The following NTM variants were observed in gnomAD, a reference collection of about 807,000 sequenced individuals.
NTM encodes the protein IgLON family member 2.
NTM carries 13 observed loss-of-function variants against 42.1 expected under a neutral mutation model. The ratio of observed to expected loss-of-function variants is 0.31; its 90% CI spans 0.20 to 0.49. NTM has a LOEUF of 0.49. NTM is among the 20% of genes least tolerant of loss of function. The pLI is 0.99. For missense variants in NTM, 373 were observed against 452.8 expected (o/e 0.82, Z 1.60); for synonymous variants, 187 against 179.2 (o/e 1.04, Z -0.35).
chr11:131,934,474 A>G (rs2058998023), intron 2 of NTM, among the ~76,000 whole-genome samples: 1 of 152,202 alleles, frequency 6.6e-6, no homozygotes, highest in Middle Eastern at 3.2e-3. Flanking sequence ...TCATTCATTC[A>G]TTCATTCATT....
At chr11:131,718,925 G>GA (rs2078025310) in intron 1 of NTM, among the ~76,000 whole-genome samples, 1 of 152,098 alleles carries the variant, frequency 6.6e-6, no homozygotes, top group African/African-American at 2.4e-5. Flanking sequence ...TCAGTGTCTT[G>GA]AAAACCACTG....
intron 2 of NTM, among the ~76,000 whole-genome samples, chr11:132,116,386 C>T (rs2063901649): frequency 6.6e-6 from 1 of 152,140 alleles, no homozygotes; most frequent in African/African-American, 2.4e-5. Context: ...ATACTTTCTC[C>T]TACTCTTCCA....
chr11:132,307,621 T>G, intron 4 of NTM, 68 bp from the exon 5 acceptor site: 1 of 1,597,646 alleles, frequency 6.3e-7, no homozygotes, highest in South Asian at 1.1e-5. Flanking sequence ...TATACTTTGT[T>G]TTCTAAGTGA....
At position 131,949,744 on chromosome 11, in the gene NTM, G is replaced by A. The variant is rs557645424; in HGVS notation, c.167+38096G>A. Reference sequence around the variant, plus strand: ...AAGCCTGTTTTTATTTGAATGTCCCGGCCCACTCCAGCTAGTGCTGTCAGC... The same window carrying A: ...AAGCCTGTTTTTATTTGAATGTCCCAGCCCACTCCAGCTAGTGCTGTCAGC... On this transcript the variant is annotated intron_variant, in intron 2 of 8. Coordinates refer to ENST00000683400, the MANE Select transcript of NTM (RefSeq NM_001352005.2). 6.6e-5 allele frequency among the ~76,000 whole-genome samples: 10 copies of A among 152,118 alleles called. No homozygotes were observed. In the South Asian group the frequency reaches 1.9e-3, roughly 28 times the overall value.
chr11:131,595,066 C>T (rs1031690129), intron 1 of NTM, among the ~76,000 whole-genome samples: 2 of 152,130 alleles, frequency 1.3e-5, no homozygotes, highest in Non-Finnish European at 2.9e-5. Context: ...AATGCACCTG[C>T]GTCTTTAATT....
intron 2 of NTM, among the ~76,000 whole-genome samples, chr11:132,017,034 CAA>C (rs1053201433): frequency 1.3e-4 from 20 of 152,046 alleles, no homozygotes; most frequent in African/African-American, 3.9e-4. Flanking sequence ...ATTCTGGACA[CAA>C]ATCCTTTATT....
At chr11:131,513,107 C>T (rs2048462615) in intron 1 of NTM, among the ~76,000 whole-genome samples, 1 of 152,214 alleles carries the variant, frequency 6.6e-6, no homozygotes, top group Non-Finnish European at 1.5e-5. Flanking sequence ...GGCTCCATGG[C>T]TCCCCGTCCC....
chr11:131,604,361 A>C (rs1267103030), intron 1 of NTM, among the ~76,000 whole-genome samples: 1 of 152,126 alleles, frequency 6.6e-6, no homozygotes, highest in Admixed American at 6.5e-5. Context: ...TCCTGTGACC[A>C]TTTTTTAAAT....
chr11:131,605,803 G>GTTCCTTGGTAGACAGCCCTA, intron 1 of NTM: 11 of 985,130 alleles, frequency 1.1e-5, no homozygotes, highest in Non-Finnish European at 1.3e-5. Context: ...AGCTTCAACA[G>GTTCCTTGGTAGACAGCCCTA]TTCCTTGGTA....
At chr11:131,650,952 AT>A (rs1425601898) in intron 1 of NTM, among the ~76,000 whole-genome samples, 1 of 152,166 alleles carries the variant, frequency 6.6e-6, no homozygotes, top group African/African-American at 2.4e-5. Context: ...TTACATATAA[AT>A]TTAATCTATT....
intron 2 of NTM, among the ~76,000 whole-genome samples, chr11:131,982,141 G>T (rs1192694424): frequency 2.0e-5 from 3 of 152,138 alleles, no homozygotes; most frequent in Non-Finnish European, 4.4e-5. Flanking sequence ...TTGCCCATCT[G>T]CCCAAGGGGA....
At chr11:131,681,994 C>T (rs1313649408) in intron 1 of NTM, among the ~76,000 whole-genome samples, 2 of 152,070 alleles carry the variant, frequency 1.3e-5, no homozygotes, top group Non-Finnish European at 2.9e-5. Flanking sequence ...GCTGAGCTGA[C>T]CAGTCCTTCC....
chr11:132,235,647 C>T (rs2139110726), intron 4 of NTM, among the ~76,000 whole-genome samples: 1 of 152,290 alleles, frequency 6.6e-6, no homozygotes, highest in South Asian at 2.1e-4. Flanking sequence ...GGCTGAGCCA[C>T]ATGGGGCTCA....
intron 1 of NTM, among the ~76,000 whole-genome samples, chr11:131,411,436 A>G (rs564726798): frequency 9.9e-5 from 15 of 152,232 alleles, no homozygotes; most frequent in African/African-American, 3.6e-4. Flanking sequence ...CAAAGGTAAG[A>G]TGAGAAAGAG....
chr11:132,038,855 G>T (rs917929498), intron 2 of NTM, among the ~76,000 whole-genome samples: 2 of 152,142 alleles, frequency 1.3e-5, no homozygotes, highest in African/African-American at 2.4e-5. Flanking sequence ...TGCACTCAGC[G>T]TCTCCCTCTC....
At chr11:132,208,621 G>C (rs1245650510) in intron 3 of NTM, among the ~76,000 whole-genome samples, 2 of 152,060 alleles carry the variant, frequency 1.3e-5, no homozygotes, top group Non-Finnish European at 2.9e-5. Flanking sequence ...GTCCTGCTTG[G>C]GGACTGTCCA....
chr11:131,839,783 CTG>C (rs2043991220), intron 1 of NTM, among the ~76,000 whole-genome samples: 1 of 152,188 alleles, frequency 6.6e-6, no homozygotes, highest in African/African-American at 2.4e-5. Flanking sequence ...AGTATGGAAA[CTG>C]TTGTATGAAA....
intron 1 of NTM, among the ~76,000 whole-genome samples, chr11:131,613,887 C>T (rs1024556850): frequency 6.6e-6 from 1 of 152,204 alleles, no homozygotes; most frequent in African/African-American, 2.4e-5. Flanking sequence ...AACAGAGGAA[C>T]CCTGGTCTCT....
At chr11:131,577,345 C>T (rs931077638) in intron 1 of NTM, among the ~76,000 whole-genome samples, 7 of 151,664 alleles carry the variant, frequency 4.6e-5, no homozygotes, top group African/African-American at 1.7e-4. Flanking sequence ...AATGGACTTA[C>T]TTAGTCGCTC....
Sources: allele counts gnomAD v4.1 joint callset (sites outside exome capture counted in the v4.1 genomes callset), GRCh38; gene constraint gnomAD v4.1.1; transcripts MANE v1.5; gene names NCBI Gene and HGNC (gene_info 2026-07-23, HGNC 2026-07-21).